Variants in LRP6 observed in about 807,000 individuals in gnomAD.
LRP6 encodes low-density lipoprotein receptor-related protein 6.
In LRP6, 43 loss-of-function variants were observed where a neutral mutation model predicts 184.1. The ratio of observed to expected loss-of-function variants is 0.23; its 90% CI spans 0.18 to 0.30. The LOEUF (loss-of-function observed/expected upper bound fraction) is 0.30. Among genes scored for constraint, LRP6 ranks in the 10% least tolerant of loss-of-function variants. LRP6 has a pLI of 1.00. For synonymous variants in LRP6, 719 were observed against 684.9 expected (o/e 1.05, Z -0.78); for missense variants, 1,571 against 2,005.3 (o/e 0.78, Z 4.14).
intron 10 of LRP6, among the ~76,000 whole-genome samples, chr12:12,160,902 GAC>G (rs1183024431): frequency 6.6e-6 from 1 of 152,286 alleles, no homozygotes; most frequent in African/African-American, 2.4e-5. Flanking sequence ...AATACCTGAG[GAC>G]ATATATTCAC....
intron 2 of LRP6, among the ~76,000 whole-genome samples, chr12:12,206,048 CG>C (rs1864048488): frequency 6.6e-6 from 1 of 152,154 alleles, no homozygotes; most frequent in African/African-American, 2.4e-5. Flanking sequence ...CATTCAGTAT[CG>C]TAGCATGCTG....
At chr12:12,214,852 T>G (rs533499079) in intron 2 of LRP6, among the ~76,000 whole-genome samples, 51 of 152,344 alleles carry the variant, frequency 3.3e-4, no homozygotes, top group Non-Finnish European at 6.3e-4. Flanking sequence ...CCTCAGGAAA[T>G]GACCTTCAGG....
chr12:12,151,160 G>C (rs562916648), intron 12 of LRP6, 122 bp from the exon 13 acceptor site: 1 of 912,746 alleles, frequency 1.1e-6, no homozygotes, highest in Admixed American at 2.0e-5. Context: ...GAAGAGCTAA[G>C]GCTGAGGACA....
At chr12:12,198,802 G>T (rs1266950802) in intron 3 of LRP6, among the ~76,000 whole-genome samples, 1 of 151,886 alleles carries the variant, frequency 6.6e-6, no homozygotes, top group Non-Finnish European at 1.5e-5. Context: ...CCAAAGTGCT[G>T]GGATTATAGG....
At chr12:12,233,102 C>T (rs1480489042) in intron 2 of LRP6, among the ~76,000 whole-genome samples, 1 of 152,094 alleles carries the variant, frequency 6.6e-6, no homozygotes, top group Non-Finnish European at 1.5e-5. Context: ...TGTCTCTAAT[C>T]AAGTCTTCAA....
chr12:12,171,062 T>C (rs12371077), intron 7 of LRP6, among the ~76,000 whole-genome samples: 3,744 of 152,272 alleles, frequency 0.025, 81 homozygotes, highest in Non-Finnish European at 0.04. Context: ...AGATCAGCCA[T>C]GTACTAACAA....
chr12:12,247,460 A>G (rs1865215696), intron 1 of LRP6, among the ~76,000 whole-genome samples: 1 of 152,226 alleles, frequency 6.6e-6, no homozygotes, highest in South Asian at 2.1e-4. Flanking sequence ...CCTCACAAGC[A>G]TTCTGAGTCT....
intron 2 of LRP6, among the ~76,000 whole-genome samples, chr12:12,227,837 GAA>G: frequency 6.6e-6 from 1 of 152,184 alleles, no homozygotes; most frequent in African/African-American, 2.4e-5. Flanking sequence ...ATGGAAGGGA[GAA>G]ATTAGGAGTA....
chr12:12,121,286 T>C lies in LRP6; in HGVS notation c.4682A>G (p.Asn1561Ser), dbSNP rs771147001. 1 of 1,614,134 alleles carries C rather than the reference T, an allele frequency of 6.2e-7. No homozygotes were observed. The highest frequency in any genetic ancestry group is 1.7e-5 in the Admixed American group (1 of 60,004). The stretch of plus-strand genomic sequence containing the variant: ...TGGGGGCACAGGTTCTGAATCATAG[T>C]TCAAGTCACTGGTATAGCCCTTGGC... ...ATAKGYTSDL[N>S]YDSEPVPPPP... The change falls in exon 23 of 23, where the codon AAC becomes AGC. Residue 1561 changes from asparagine to serine, a missense_variant. Asn to Ser is a conservative substitution (Grantham distance 46). Transcript: ENST00000261349.
At chr12:12,184,965 T>C (rs973584313) in intron 4 of LRP6, among the ~76,000 whole-genome samples, 3 of 152,036 alleles carry the variant, frequency 2.0e-5, no homozygotes, top group Non-Finnish European at 2.9e-5. Context: ...ATTCTCAAAT[T>C]AGTAAAACAT....
At position 12,155,442 on chromosome 12, in the gene LRP6, C is replaced by A. The variant is rs898006446; in HGVS notation, c.2791+3387G>T. 1.0e-5 allele frequency: 10 copies of A among 953,440 alleles called. No homozygotes were observed. In the African/African-American group the frequency reaches 1.6e-4, roughly 15 times the overall value. 59.1% of individuals were successfully genotyped at this position (953,440 alleles called of 1,614,324 possible). ...CCCCACAAGTGTTACCACTGCAAAA[C>A]TGGAAGGGTCTACAATGTTACCCAG... On this transcript the variant is annotated intron_variant, in intron 12 of 22. Coordinates refer to ENST00000261349, the MANE Select transcript of LRP6 (RefSeq NM_002336.3).
At chr12:12,148,793 TTAAGA>T in intron 14 of LRP6, 144 bp downstream of exon 14, 1 of 728,684 alleles carries the variant, frequency 1.4e-6, no homozygotes. Context: ...AAGACAACTG[TTAAGA>T]TAATGCAGAA....
chr12:12,229,101 C>T (rs1287299986), intron 2 of LRP6, among the ~76,000 whole-genome samples: 2 of 152,092 alleles, frequency 1.3e-5, no homozygotes, highest in Non-Finnish European at 2.9e-5. Context: ...CCCGGCACAA[C>T]GGTTCACACC....
At chr12:12,261,913 G>C (rs942352632) in intron 1 of LRP6, among the ~76,000 whole-genome samples, 3 of 152,246 alleles carry the variant, frequency 2.0e-5, no homozygotes, top group Admixed American at 6.5e-5. Context: ...ACAAAAAAAA[G>C]TAACGAAGAA....
intron 5 of LRP6, 152 bp from the exon 6 acceptor site, chr12:12,181,591 G>A (rs1463665123): frequency 1.5e-6 from 1 of 648,876 alleles, no homozygotes; most frequent in Non-Finnish European, 2.7e-6. Flanking sequence ...GAAATGGAAA[G>A]TAATACAGTG....
chr12:12,198,815 T>C (rs1392721930), intron 3 of LRP6, among the ~76,000 whole-genome samples: 1 of 152,000 alleles, frequency 6.6e-6, no homozygotes, highest in Non-Finnish European at 1.5e-5. Context: ...ATTATAGGCG[T>C]GAGTCATTTC....
chr12:12,125,622 C>G (rs751081146), intron 20 of LRP6, among the ~76,000 whole-genome samples, 190 bp from the exon 21 acceptor site: 1 of 152,102 alleles, frequency 6.6e-6, no homozygotes. Context: ...GAAGTCAATG[C>G]TTCCATTGAA....
At chr12:12,139,264 G>A (rs535597150) in intron 15 of LRP6, among the ~76,000 whole-genome samples, 2 of 152,318 alleles carry the variant, frequency 1.3e-5, no homozygotes, top group Non-Finnish European at 2.9e-5. Flanking sequence ...AAGTATCAAG[G>A]AAAGTTTCAG....
intron 1 of LRP6, among the ~76,000 whole-genome samples, chr12:12,245,537 T>G (rs913175267): frequency 1.3e-5 from 2 of 152,180 alleles, no homozygotes; most frequent in Non-Finnish European, 2.9e-5. Flanking sequence ...ATGTCAAAAC[T>G]TATTAAATTT....
Sources: allele counts gnomAD v4.1 joint callset (sites outside exome capture counted in the v4.1 genomes callset), GRCh38; gene constraint gnomAD v4.1.1; transcripts MANE v1.5; gene names NCBI Gene and HGNC (gene_info 2026-07-23, HGNC 2026-07-21).